The following ZNF385B variants were observed in gnomAD, a reference collection of about 807,000 sequenced individuals.
ZNF385B encodes the protein zinc finger protein 533.
A neutral mutation model predicts 39.2 loss-of-function variants in ZNF385B; 23 were observed. The ratio of observed to expected loss-of-function variants is 0.59; its 90% CI spans 0.42 to 0.83. ZNF385B has a LOEUF of 0.83. Ranked by LOEUF, ZNF385B falls within the 40% of genes least tolerant of loss-of-function variation. The pLI is 0.00. For missense variants in ZNF385B, 552 were observed against 598.9 expected (o/e 0.92, Z 0.82); for synonymous variants, 205 against 222.6 (o/e 0.92, Z 0.70).
intron 3 of ZNF385B, among the ~76,000 whole-genome samples, chr2:179,663,297 T>A (rs1694710976): frequency 6.6e-6 from 1 of 152,250 alleles, no homozygotes; most frequent in African/African-American, 2.4e-5. Context: ...TAGTGTATTA[T>A]CAGTCATCCC....
At chr2:179,576,041 G>A (rs755775353) in intron 3 of ZNF385B, 69 of 652,276 alleles carry the variant, frequency 1.1e-4, no homozygotes, top group Non-Finnish European at 5.3e-5. Context: ...TAAGTTAGAC[G>A]ATGGCAACTC....
At chr2:179,557,505 CAT>C (rs1423830860) in intron 3 of ZNF385B, among the ~76,000 whole-genome samples, 43 of 148,498 alleles carry the variant, frequency 2.9e-4, no homozygotes, top group African/African-American at 9.9e-4. Context: ...GTGTATATAA[CAT>C]ATATACATGT....
chr2:179,463,225 C>T (rs2051560074), intron 6 of ZNF385B, among the ~76,000 whole-genome samples: 1 of 152,080 alleles, frequency 6.6e-6, no homozygotes, highest in Non-Finnish European at 1.5e-5. Flanking sequence ...AATGTCTGGT[C>T]TCCTTTTCCT....
intron 3 of ZNF385B, among the ~76,000 whole-genome samples, chr2:179,713,576 A>C (rs1391157966): frequency 6.6e-6 from 1 of 152,106 alleles, no homozygotes; most frequent in Non-Finnish European, 1.5e-5. Context: ...CTATCACATA[A>C]TTGCATGATT....
intron 1 of ZNF385B, among the ~76,000 whole-genome samples, chr2:179,846,576 T>C (rs1206849129): frequency 6.6e-6 from 1 of 152,202 alleles, no homozygotes; most frequent in Non-Finnish European, 1.5e-5. Context: ...GTCCTGGGGG[T>C]ACCTCAGGCA....
At chr2:179,845,682 TTTCAGA>T (rs1559246500) in intron 1 of ZNF385B, among the ~76,000 whole-genome samples, 22 of 152,218 alleles carry the variant, frequency 1.4e-4, no homozygotes, top group African/African-American at 5.3e-4. Flanking sequence ...CACATGACCC[TTTCAGA>T]TGGTCACGAT....
chr2:179,475,985 C>G (rs1415205773), intron 6 of ZNF385B, among the ~76,000 whole-genome samples: 1 of 142,434 alleles, frequency 7.0e-6, no homozygotes, highest in Non-Finnish European at 1.5e-5. Flanking sequence ...CCACTGCACT[C>G]CAGCCTGGGC....
chr2:179,629,511 T>C (rs1363301435), intron 3 of ZNF385B, among the ~76,000 whole-genome samples: 2 of 152,164 alleles, frequency 1.3e-5, no homozygotes, highest in Non-Finnish European at 2.9e-5. Flanking sequence ...GTCTAAACAA[T>C]TTTTGGGGTA....
intron 5 of ZNF385B, among the ~76,000 whole-genome samples, chr2:179,506,460 A>T (rs1229739462): frequency 6.6e-6 from 1 of 152,150 alleles, no homozygotes; most frequent in African/African-American, 2.4e-5. Flanking sequence ...AAAAATAAGA[A>T]ATAAACGAAA....
At chr2:179,614,996 T>A (rs532596487) in intron 3 of ZNF385B, among the ~76,000 whole-genome samples, 94 of 152,316 alleles carry the variant, frequency 6.2e-4, no homozygotes, top group African/African-American at 2.2e-3. Context: ...GTGTTATGCC[T>A]GCTATTGGGT....
At chr2:179,744,424 G>A (rs1702259767) in intron 3 of ZNF385B, among the ~76,000 whole-genome samples, 1 of 151,758 alleles carries the variant, frequency 6.6e-6, no homozygotes, top group South Asian at 2.1e-4. Flanking sequence ...AAAAAGAGCT[G>A]CTAAACGAGA....
chr2:179,514,247 CTACA>C (rs1294437148), intron 5 of ZNF385B: 1 of 152,572 alleles, frequency 6.6e-6, no homozygotes, highest in Non-Finnish European at 1.5e-5. Context: ...CTTCCTTCCC[CTACA>C]AAGCCAGCAA....
chr2:179,513,676 A>G (rs2057862470), intron 5 of ZNF385B, among the ~76,000 whole-genome samples: 1 of 152,208 alleles, frequency 6.6e-6, no homozygotes, highest in African/African-American at 2.4e-5. Flanking sequence ...TTTATATCCT[A>G]TCCTCCTGAC....
At chr2:179,822,419 T>C (rs192263337) in intron 1 of ZNF385B, among the ~76,000 whole-genome samples, 23 of 152,368 alleles carry the variant, frequency 1.5e-4, no homozygotes, top group African/African-American at 5.0e-4. Flanking sequence ...TTAATGATGG[T>C]AATAATGATG....
At chr2:179,463,903 T>C (rs1417677780) in intron 6 of ZNF385B, among the ~76,000 whole-genome samples, 10 of 152,230 alleles carry the variant, frequency 6.6e-5, no homozygotes, top group Non-Finnish European at 2.9e-5. Flanking sequence ...GTATTTCTAG[T>C]TCCAGATCCT....
intron 3 of ZNF385B, among the ~76,000 whole-genome samples, chr2:179,597,529 C>T (rs1213342185): frequency 6.6e-6 from 1 of 152,162 alleles, no homozygotes. Context: ...AGTAGCTTTA[C>T]TCTTGAAATT....
At chr2:179,772,805 GA>G (rs1704087638) in intron 1 of ZNF385B, among the ~76,000 whole-genome samples, 1 of 152,212 alleles carries the variant, frequency 6.6e-6, no homozygotes, top group South Asian at 2.1e-4. Flanking sequence ...GGGGGTGTCT[GA>G]TTTTAAACAG....
rs149081478 is a variant in ZNF385B, at chr2:179,805,496, T to G, written c.-154-34824A>C. ...TTCTTAGATTAAGCTCTCATAATTC[T>G]AATCTGTAACTTAACAAATTATATT... On this transcript the variant is annotated intron_variant, in intron 1 of 9. Coordinates refer to ENST00000410066, the MANE Select transcript of ZNF385B (RefSeq NM_152520.6). Among the ~76,000 whole-genome samples, 524 of 152,352 alleles carry G rather than the reference T, an allele frequency of 3.4e-3. 2 individuals carry two copies. The highest frequency in any genetic ancestry group is 0.011 in the African/African-American group (474 of 41,592).
In ZNF385B at chr2:179,766,699, C is replaced by G. The variant is rs185429781; in HGVS notation, c.298+2804G>C. Among the ~76,000 whole-genome samples, 235 of 152,254 alleles carry G rather than the reference C, an allele frequency of 1.5e-3. 1 individual carries two copies. Among genetic ancestry groups the G allele is most frequent in the Non-Finnish European group, 2.8e-3 (188 of 68,024 alleles). On this transcript the variant is annotated intron_variant, in intron 3 of 9. Transcript: ENST00000410066. ...GCCCATCCTAATGACTTCATTTTAA[C>G]TTAATTACCTCTGTAAAGACCCTAG...
Sources: allele counts gnomAD v4.1 joint callset (sites outside exome capture counted in the v4.1 genomes callset), GRCh38; gene constraint gnomAD v4.1.1; transcripts MANE v1.5; gene names NCBI Gene and HGNC (gene_info 2026-07-23, HGNC 2026-07-21).